Variants in WDR1 observed in about 807,000 individuals in gnomAD.
The protein encoded by WDR1 is WD repeat domain 1.
A neutral mutation model predicts 71.9 loss-of-function variants in WDR1; 21 were observed. The ratio of observed to expected loss-of-function variants is 0.29; its 90% CI spans 0.21 to 0.42. The LOEUF is 0.42. Ranked by LOEUF, WDR1 falls within the 10% of genes least tolerant of loss-of-function variation. The pLI, the probability that WDR1 is intolerant of heterozygous loss-of-function variation, is 1.00. For synonymous variants in WDR1, 424 were observed against 347.4 expected, an observed-to-expected ratio of 1.22 and a Z score of -2.45; for missense variants, 696 against 824.5, an observed-to-expected ratio of 0.84 and a Z score of 1.91.
At chr4:10,095,297 C>T (rs1365367556) in intron 5 of WDR1, among the ~76,000 whole-genome samples, 1 of 152,260 alleles carries the variant, frequency 6.6e-6, no homozygotes, top group Non-Finnish European at 1.5e-5. Flanking sequence ...ACTTAATTCC[C>T]TCTAAAATAA....
At chr4:10,100,646 C>T (rs1578439319) in intron 3 of WDR1, among the ~76,000 whole-genome samples, 1 of 152,292 alleles carries the variant, frequency 6.6e-6, no homozygotes, top group Non-Finnish European at 1.5e-5. Context: ...AGGGGAGTCC[C>T]AGAAGGGCCC....
At chr4:10,116,551 C>G in intron 1 of WDR1, 100 bp downstream of exon 1, 2 of 951,942 alleles carry the variant, frequency 2.1e-6, no homozygotes, top group Non-Finnish European at 2.6e-6. Flanking sequence ...CCCTCCCCCG[C>G]GCCGAGGACT....
chr4:10,083,738 T>C (rs1578420296), intron 9 of WDR1: 1 of 456,040 alleles, frequency 2.2e-6, no homozygotes, highest in East Asian at 7.0e-5. Context: ...ACTCTGCAGA[T>C]GGTGGCTCCA....
In WDR1 at chr4:10,075,465, A is replaced by G; in HGVS notation, c.1734T>C (p.His578=). Residue 578 remains histidine (H), a synonymous_variant, in exon 15 of 15, where the codon CAT becomes CAC. Transcript: ENST00000499869. ...CGTCCAGCCAGGCCAGGCTGCTGAC[A>G]TGGTGCAGCCGGTGTGCATCTGGGA... The part of the protein sequence containing the change: ...VKIQDAHRLH[H]VSSLAWLDEH... The G allele has an allele frequency of 2.5e-6, 4 of 1,613,512 alleles. No individual in the cohort carries two copies. Among genetic ancestry groups the G allele is most frequent in the African/African-American group, 1.3e-5 (1 of 74,978 alleles).
intron 7 of WDR1, 153 bp downstream of exon 7, chr4:10,088,140 G>A (rs900327318): frequency 6.6e-6 from 6 of 904,928 alleles, no homozygotes; most frequent in African/African-American, 3.3e-5. Context: ...ACCTTATTGC[G>A]ACCTTAAAGC....
Position 10,074,457 on chromosome 4 carries a change from C to T in WDR1, c.*921G>A, listed in dbSNP as rs1804995. The T allele has an allele frequency of 4.6e-5, 7 of 152,576 alleles. No individual in the cohort carries two copies. The highest frequency in any genetic ancestry group is 2.1e-4 in the South Asian group (1 of 4,822). 9.5% of individuals were successfully genotyped at this position (152,576 alleles called of 1,614,324 possible). A position where few individuals can be genotyped will look rare whatever the true frequency, so the allele number is the denominator to read the frequency against. On this transcript the variant is annotated 3_prime_UTR_variant, in exon 15 of 15. Coordinates refer to ENST00000499869, the MANE Select transcript of WDR1 (RefSeq NM_017491.5). ...AACATTTACCAGTGATTCCGACACA[C>T]GCAAAAACACTCCCAATCACGGTGC...
At chr4:10,099,164 GGGGGGGAGGCGGTGGT>G in intron 3 of WDR1, 25 bp from the exon 4 acceptor site, 1 of 1,412,146 alleles carries the variant, frequency 7.1e-7, no homozygotes, top group South Asian at 1.2e-5. Context: ...GGGCGGGGGA[GGGGGGGAGGCGGTGGT>G]GGGGTAAAGG....
Position 10,116,176 on chromosome 4 carries a change from G to A in WDR1, c.75C>T (p.Gly25=). Residue 25 remains glycine, a synonymous_variant, in exon 2 of 15, where the codon GGC becomes GGT. Coordinates refer to ENST00000499869, the MANE Select transcript of WDR1 (RefSeq NM_017491.5). The part of the protein sequence containing the change: ...VERGVSKIIG[G]DPKGNNFLYT... Reference sequence around the variant, plus strand: ...ACAGAAAATTGTTGCCCTTAGGGTCGCCGCCGATGATCTTGGAGACGCCCC... The same window carrying A: ...ACAGAAAATTGTTGCCCTTAGGGTCACCGCCGATGATCTTGGAGACGCCCC... 5 of 1,613,352 alleles carry A rather than the reference G, an allele frequency of 3.1e-6. No homozygotes were observed. Among genetic ancestry groups the A allele is most frequent in the Non-Finnish European group, 3.4e-6 (4 of 1,179,770 alleles).
intron 5 of WDR1, among the ~76,000 whole-genome samples, chr4:10,090,224 T>C (rs1384742609): frequency 6.6e-6 from 1 of 152,234 alleles, no homozygotes; most frequent in Non-Finnish European, 1.5e-5. Flanking sequence ...AACTTTGTTA[T>C]GGCAGCTGCG....
At chr4:10,092,771 A>C in intron 5 of WDR1, 1 of 301,494 alleles carries the variant, frequency 3.3e-6, no homozygotes, top group Non-Finnish European at 6.7e-6. Context: ...GTGAACAAAG[A>C]GGGAGAGGGA....
chr4:10,105,330 G>T (rs12506562), intron 2 of WDR1, among the ~76,000 whole-genome samples: 87,595 of 151,964 alleles, frequency 0.58, 25,463 homozygotes, highest in African/African-American at 0.64. Flanking sequence ...TAAGTGGTTT[G>T]GGGGAGAAAA....
intron 3 of WDR1, 120 bp downstream of exon 3, chr4:10,103,776 T>TTCC: frequency 1.1e-5 from 2 of 180,008 alleles, no homozygotes; most frequent in Admixed American, 6.7e-5. Context: ...CCCAGCCTGC[T>TTCC]CCCCCACCCC....
rs559007993 is a variant in WDR1 at position 10,095,216 on chromosome 4, C to A, written c.558+2495G>T. On this transcript the variant is annotated intron_variant, in intron 5 of 14. Transcript: ENST00000499869. ...GGAGGCAAAGGCAGCCCAGACTCAG[C>A]CGTCATGTGCTGCAGAATGAAAGAT... 4.6e-5 allele frequency among the ~76,000 whole-genome samples: 7 copies of A among 152,358 alleles called. No homozygotes were observed. In the South Asian group the frequency reaches 1.4e-3, roughly 32 times the overall value.
chr4:10,115,601 C>T (rs572091502), intron 2 of WDR1, among the ~76,000 whole-genome samples: 2 of 152,332 alleles, frequency 1.3e-5, no homozygotes, highest in Admixed American at 1.3e-4. Context: ...ACGCCAGCAG[C>T]TCATTCATTC....
chr4:10,091,324 G>C (rs1338515353), intron 5 of WDR1, among the ~76,000 whole-genome samples: 1 of 152,192 alleles, frequency 6.6e-6, no homozygotes, highest in Non-Finnish European at 1.5e-5. Context: ...GCACTTCTAG[G>C]TATGTGAAGT....
intron 9 of WDR1, among the ~76,000 whole-genome samples, chr4:10,084,198 A>G (rs1343469525): frequency 6.6e-6 from 1 of 152,212 alleles, no homozygotes; most frequent in East Asian, 1.9e-4. Flanking sequence ...GGGACTGATC[A>G]GGTCGGAGCC....
chr4:10,084,355 G>A (rs1765127341), intron 9 of WDR1, 88 bp downstream of exon 9: 1 of 1,260,016 alleles, frequency 7.9e-7, no homozygotes, highest in African/African-American at 1.5e-5. Flanking sequence ...GGAGCCACCT[G>A]GCTGGCCTGG....
chr4:10,084,605 G>A (rs945752598), intron 8 of WDR1, 75 bp from the exon 9 acceptor site: 94 of 1,437,082 alleles, frequency 6.5e-5, no homozygotes, highest in South Asian at 3.0e-4. Context: ...TTCCACCAAC[G>A]AAGCTTCTGG....
At chr4:10,081,578 G>A in intron 10 of WDR1, 134 bp from the exon 11 acceptor site, 1 of 614,958 alleles carries the variant, frequency 1.6e-6, no homozygotes, top group Non-Finnish European at 2.8e-6. Flanking sequence ...GGAGAGACTT[G>A]CTAAAATATG....
Sources: allele counts gnomAD v4.1 joint callset (sites outside exome capture counted in the v4.1 genomes callset), GRCh38; gene constraint gnomAD v4.1.1; transcripts MANE v1.5; gene names NCBI Gene and HGNC (gene_info 2026-07-23, HGNC 2026-07-21).